Variants in RNGTT observed in about 807,000 individuals in gnomAD.
RNGTT encodes the protein mRNA-capping enzyme.
In RNGTT, 33 loss-of-function variants were observed where a neutral mutation model predicts 79.3. The observed-to-expected ratio is 0.42, with a 90% confidence interval of 0.32 to 0.56. The LOEUF is 0.56. RNGTT is among the 20% of genes least tolerant of loss of function. The pLI is 0.17. For synonymous variants in RNGTT, 222 were observed against 235.9 expected (o/e 0.94, Z 0.54); for missense variants, 497 against 739.1 (o/e 0.67, Z 3.80).
chr6:88,809,528 C>A (rs1015862472), intron 11 of RNGTT, among the ~76,000 whole-genome samples: 1 of 152,080 alleles, frequency 6.6e-6, no homozygotes, highest in Non-Finnish European at 1.5e-5. Flanking sequence ...AAAGTATATT[C>A]TCTGATCATA....
intron 11 of RNGTT, among the ~76,000 whole-genome samples, chr6:88,809,123 C>A (rs1281811837): frequency 6.6e-6 from 1 of 152,030 alleles, no homozygotes; most frequent in Non-Finnish European, 1.5e-5. Flanking sequence ...ATGAGAACTT[C>A]TGAACAAGAA....
intron 14 of RNGTT, among the ~76,000 whole-genome samples, chr6:88,673,702 A>G (rs769043821): frequency 7.9e-5 from 12 of 152,198 alleles, no homozygotes; most frequent in Non-Finnish European, 1.5e-4. Context: ...TTGTTAGGAA[A>G]TGTGCAGATA....
Position 88,660,342 on chromosome 6 carries a change from C to T in RNGTT, c.1506+18011G>A, listed in dbSNP as rs188401087. Reference sequence around the variant, plus strand: ...GAATGTAAATGGCCAAAATGCTCCACTTAAAAGATACAGAATAGCAGAATG... The same window carrying T: ...GAATGTAAATGGCCAAAATGCTCCATTTAAAAGATACAGAATAGCAGAATG... On this transcript the variant is annotated intron_variant, in intron 14 of 15. Transcript: ENST00000369485. Among the ~76,000 whole-genome samples the T allele has an allele frequency of 1.1e-3, 165 of 152,228 alleles. 1 individual carries two copies. Among genetic ancestry groups the T allele is most frequent in the Non-Finnish European group, 8.4e-4 (57 of 68,008 alleles).
chr6:88,913,228 A>AAAAAAAAAAAAAAAC, intron 4 of RNGTT, among the ~76,000 whole-genome samples: 1 of 129,786 alleles, frequency 7.7e-6, no homozygotes, highest in African/African-American at 3.0e-5. Context: ...AAAAAAAAAC[A>AAAAAAAAAAAAAAAC]AAAAAAAAAA....
chr6:88,767,812 C>A (rs1376195040), intron 13 of RNGTT, among the ~76,000 whole-genome samples: 1 of 151,970 alleles, frequency 6.6e-6, no homozygotes, highest in Non-Finnish European at 1.5e-5. Context: ...ACCCAACTTG[C>A]ATGATTAGTG....
At chr6:88,816,593 G>A (rs1191005372) in intron 11 of RNGTT, among the ~76,000 whole-genome samples, 2 of 152,004 alleles carry the variant, frequency 1.3e-5, no homozygotes, top group South Asian at 2.1e-4. Flanking sequence ...TATATTTTAG[G>A]TATTGGAAAA....
chr6:88,866,482 T>C (rs1782169304), intron 8 of RNGTT, among the ~76,000 whole-genome samples: 1 of 152,134 alleles, frequency 6.6e-6, no homozygotes, highest in Non-Finnish European at 1.5e-5. Context: ...AAACAAAGTG[T>C]ACATTAACAG....
chr6:88,929,269 T>TAAAA lies in RNGTT; in HGVS notation c.175-6_175-3dup. On this transcript the variant is annotated splice_polypyrimidine_tract_variant and splice_region_variant and intron_variant, in intron 2 of 15. Coordinates refer to ENST00000369485, the MANE Select transcript of RNGTT (RefSeq NM_003800.5). The stretch of plus-strand genomic sequence containing the variant: ...GTCCACCAACAAGCCCATTTTAACC[T>TAAAA]AAAAAAAAAAAAAAATGAAAGGGCA... 14 of 1,353,024 alleles carry TAAAA rather than the reference T, an allele frequency of 1.0e-5. No homozygotes were observed. Among genetic ancestry groups the TAAAA allele is most frequent in the South Asian group, 1.3e-5 (1 of 76,040 alleles). The allele number at this position is 1,353,024 out of a possible 1,614,324, so 83.8% of individuals were successfully genotyped here. A position where few individuals can be genotyped will look rare whatever the true frequency, so the allele number is the denominator to read the frequency against.
chr6:88,957,982 A>T (rs1470967890), intron 1 of RNGTT, among the ~76,000 whole-genome samples: 1 of 152,246 alleles, frequency 6.6e-6, no homozygotes, highest in Non-Finnish European at 1.5e-5. Context: ...AAATTATACT[A>T]CAAGACTATA....
intron 13 of RNGTT, among the ~76,000 whole-genome samples, chr6:88,736,424 T>C (rs1777287620): frequency 2.6e-5 from 4 of 152,182 alleles, no homozygotes; most frequent in African/African-American, 4.8e-5. Context: ...GTGTGCAATG[T>C]AGAACTCGCA....
chr6:88,716,676 A>T (rs1348112409), intron 13 of RNGTT, among the ~76,000 whole-genome samples: 4 of 152,182 alleles, frequency 2.6e-5, no homozygotes, highest in Non-Finnish European at 4.4e-5. Context: ...AGGGACATGG[A>T]TGAAGCTGGA....
chr6:88,842,985 G>A (rs1781347225), intron 11 of RNGTT, among the ~76,000 whole-genome samples: 1 of 152,004 alleles, frequency 6.6e-6, no homozygotes, highest in African/African-American at 2.4e-5. Flanking sequence ...TGAGGTGGGA[G>A]GATCACTTGA....
At chr6:88,646,277 TC>T (rs1454778019) in intron 14 of RNGTT, among the ~76,000 whole-genome samples, 1 of 151,998 alleles carries the variant, frequency 6.6e-6, no homozygotes, top group Non-Finnish European at 1.5e-5. Context: ...GAAATGCAAA[TC>T]AAAACCACAA....
At chr6:88,742,831 T>C (rs1207471569) in intron 13 of RNGTT, among the ~76,000 whole-genome samples, 1 of 152,200 alleles carries the variant, frequency 6.6e-6, no homozygotes, top group Non-Finnish European at 1.5e-5. Flanking sequence ...TTTTCTAGAA[T>C]TATAGTTCGG....
intron 12 of RNGTT, among the ~76,000 whole-genome samples, chr6:88,795,790 G>A (rs1306117598): frequency 6.6e-6 from 1 of 152,058 alleles, no homozygotes; most frequent in African/African-American, 2.4e-5. Flanking sequence ...TAAAAAAAGG[G>A]ACCCTCGCAA....
chr6:88,805,050 T>C (rs1189900658), intron 11 of RNGTT, among the ~76,000 whole-genome samples: 1 of 152,110 alleles, frequency 6.6e-6, no homozygotes, highest in Non-Finnish European at 1.5e-5. Flanking sequence ...ATGTGAAAAA[T>C]AGTAAGAGAA....
At chr6:88,847,214 C>T (rs1190099577) in intron 10 of RNGTT, among the ~76,000 whole-genome samples, 6 of 151,800 alleles carry the variant, frequency 4.0e-5, no homozygotes, top group Non-Finnish European at 8.8e-5. Context: ...TCCAATGAAA[C>T]GCTGTGCAAA....
chr6:88,749,075 G>GA (rs1460749848), intron 13 of RNGTT, among the ~76,000 whole-genome samples: 4 of 152,044 alleles, frequency 2.6e-5, no homozygotes, highest in Non-Finnish European at 5.9e-5. Context: ...ATATGCTGAA[G>GA]AAAAAATAAC....
At chr6:88,956,707 T>C (rs1238572397) in intron 1 of RNGTT, among the ~76,000 whole-genome samples, 2 of 152,174 alleles carry the variant, frequency 1.3e-5, no homozygotes, top group African/African-American at 2.4e-5. Context: ...CAAGTGAGTT[T>C]CATACCAGAG....
Sources: gnomAD v4.1 joint callset for allele counts (sites outside exome capture counted in the v4.1 genomes callset) on GRCh38, gnomAD v4.1.1 for gene constraint, MANE v1.5 for transcripts, NCBI Gene and HGNC (gene_info 2026-07-23, HGNC 2026-07-21) for gene names.